SLF2: variants seen among roughly 807,000 people sequenced by gnomAD.
SLF2 encodes the protein SMC5/6 complex localization factor 2.
A neutral mutation model predicts 124.3 loss-of-function variants in SLF2; 68 were observed. That is an observed-to-expected ratio of 0.55 (90% CI 0.45 to 0.67). The LOEUF is 0.67. Ranked by LOEUF, SLF2 falls within the 30% of genes least tolerant of loss-of-function variation. The pLI is 0.00. For missense variants in SLF2, 1,246 were observed against 1,373.7 expected (o/e 0.91, Z 1.47); for synonymous variants, 480 against 478.8 (o/e 1.00, Z -0.03).
rs527656683 is a variant in SLF2, at chr10:100,960,756, T to G, written c.3487-1121T>G. On this transcript the variant is annotated intron_variant, in intron 19 of 19. Transcript: ENST00000238961. The stretch of plus-strand genomic sequence containing the variant: ...TTGCCTTTCCTTTATTTTTATTTAT[T>G]ATGTATATATTTTTGACACTTTTTT... Among the ~76,000 whole-genome samples, 10 of 152,184 alleles carry G rather than the reference T, an allele frequency of 6.6e-5. No individual in the cohort carries two copies. In the East Asian group the frequency reaches 1.9e-3, roughly 29 times the overall value.
intron 19 of SLF2, 145 bp downstream of exon 19, chr10:100,959,641 G>GT (rs1331208875): frequency 1.5e-6 from 2 of 1,304,776 alleles, no homozygotes; most frequent in African/African-American, 3.0e-5. Flanking sequence ...ATAATACATG[G>GT]TTTGTAATTT....
intron 1 of SLF2, chr10:100,913,957 T>C (rs926467376): frequency 1.2e-6 from 1 of 826,544 alleles, no homozygotes; most frequent in African/African-American, 1.8e-5. Context: ...TTACTAATAC[T>C]GTGGTACAGG....
Position 100,962,966 on chromosome 10 carries a change from G to C in SLF2, c.*1054G>C, listed in dbSNP as rs1448444543. On this transcript the variant is annotated 3_prime_UTR_variant, in exon 20 of 20. Coordinates refer to ENST00000238961, the MANE Select transcript of SLF2 (RefSeq NM_018121.4). ...CTTTGGTTTAAATGGTAGAGGGTTAGTGGAAGTGCACACGTTGTTTTTAGC... is the reference window on the plus strand; with the variant it reads ...CTTTGGTTTAAATGGTAGAGGGTTACTGGAAGTGCACACGTTGTTTTTAGC... The C allele has an allele frequency of 6.6e-6, 1 of 152,632 alleles. No homozygotes were observed. Among genetic ancestry groups the C allele is most frequent in the African/African-American group, 2.4e-5 (1 of 41,450 alleles). 9.5% of individuals were successfully genotyped at this position (152,632 alleles called of 1,614,324 possible).
chr10:100,918,516 GT>G (rs1589942106), intron 4 of SLF2, 75 bp downstream of exon 4: 2 of 947,992 alleles, frequency 2.1e-6, no homozygotes, highest in Non-Finnish European at 3.2e-6. Flanking sequence ...AAATAAATTT[GT>G]TTAAATATGC....
At chr10:100,948,890 A>C (rs1850158980) in intron 15 of SLF2, among the ~76,000 whole-genome samples, 1 of 152,172 alleles carries the variant, frequency 6.6e-6, no homozygotes, top group African/African-American at 2.4e-5. Context: ...TGTCTCAAAA[A>C]AAAGCCCCAT....
chr10:100,963,761 G>T lies in SLF2; in HGVS notation c.*1849G>T, dbSNP rs2133841876. On this transcript the variant is annotated 3_prime_UTR_variant, in exon 20 of 20. Coordinates refer to ENST00000238961, the MANE Select transcript of SLF2 (RefSeq NM_018121.4). ...ATATTTTCTAATTGTGTACATTGAT[G>T]GGGGGGACAAGTGGGTTATTCAGGT... The T allele has an allele frequency of 6.6e-6, 1 of 152,110 alleles. No individual in the cohort carries two copies. Among genetic ancestry groups the T allele is most frequent in the South Asian group, 2.1e-4 (1 of 4,808 alleles). 9.4% of individuals were successfully genotyped at this position (152,110 alleles called of 1,614,324 possible).
intron 17 of SLF2, among the ~76,000 whole-genome samples, chr10:100,954,231 C>G (rs976559717): frequency 6.6e-6 from 1 of 152,090 alleles, no homozygotes; most frequent in East Asian, 1.9e-4. Flanking sequence ...GCCCTCCAGC[C>G]TGGGTGACAG....
At chr10:100,952,850 A>G (rs1016260653) in intron 17 of SLF2, among the ~76,000 whole-genome samples, 1 of 151,208 alleles carries the variant, frequency 6.6e-6, no homozygotes, top group African/African-American at 2.4e-5. Context: ...GAGGCAGGAG[A>G]ATTGCTTGAA....
rs1849434455 is a variant in SLF2 at position 100,917,229 on chromosome 10, A to G, written c.844A>G (p.Lys282Glu). ...TTCCTTAAAATCTAGTATAGAAAGA[A>G]AATATAAACCAAGGCAGGAACAAAG... is the stretch of plus-strand genomic sequence containing the variant. Reference protein sequence around the residue: ...SLSLKSSIERKYKPRQEQRKQ... With the variant: ...SLSLKSSIEREYKPRQEQRKQ... The change falls in exon 3 of 20, where the codon AAA (lysine) becomes GAA (glutamate). Residue 282 changes from lysine to glutamate, a missense_variant. Transcript: ENST00000238961. 1 of 1,614,198 alleles carries G rather than the reference A, an allele frequency of 6.2e-7. No individual in the cohort carries two copies. Among genetic ancestry groups the G allele is most frequent in the Non-Finnish European group, 8.5e-7 (1 of 1,180,022 alleles).
rs34345512 is a variant in SLF2, at chr10:100,962,841, ATG to A, written c.*956_*957del. 4,277 of 143,534 alleles carry A rather than the reference ATG, an allele frequency of 0.03. 63 individuals carry two copies. The highest frequency in any genetic ancestry group is 0.034 in the Non-Finnish European group (2,214 of 64,918). The allele number at this position is 143,534 out of a possible 1,614,324, so 8.9% of individuals were successfully genotyped here. ...ATTCTTTGGGACACTGTGTCTGTGT[ATG>A]TGTGTGTGTGTGTGTGTGTGTGTGT... On this transcript the variant is annotated 3_prime_UTR_variant, in exon 20 of 20. Coordinates refer to ENST00000238961, the MANE Select transcript of SLF2 (RefSeq NM_018121.4).
In SLF2 at chr10:100,912,976, G is replaced by C. The variant is rs1280996034; in HGVS notation, c.-135G>C. 3 of 918,596 alleles carry C rather than the reference G, an allele frequency of 3.3e-6. No homozygotes were observed. Among genetic ancestry groups the C allele is most frequent in the Non-Finnish European group, 4.8e-6 (3 of 622,442 alleles). 56.9% of individuals were successfully genotyped at this position (918,596 alleles called of 1,614,324 possible). A position where few individuals can be genotyped will look rare whatever the true frequency, so the allele number is the denominator to read the frequency against. ...CACGCCGGAGTCACTTCCGAAGAGA[G>C]AACCGCCATGAAGAGAGAAGGGGGT... On this transcript the variant is annotated 5_prime_UTR_variant, in exon 1 of 20. Coordinates refer to ENST00000238961, the MANE Select transcript of SLF2 (RefSeq NM_018121.4).
chr10:100,923,847 A>G (rs1309124671), intron 4 of SLF2, 128 bp from the exon 5 acceptor site: 6 of 646,390 alleles, frequency 9.3e-6, no homozygotes, highest in Non-Finnish European at 1.2e-5. Context: ...CATTCCATAT[A>G]TGGTGACTAA....
chr10:100,919,720 T>TA (rs1325887994), intron 4 of SLF2, among the ~76,000 whole-genome samples: 1 of 152,234 alleles, frequency 6.6e-6, no homozygotes, highest in African/African-American at 2.4e-5. Flanking sequence ...CCACATTCAG[T>TA]AAGATACATT....
intron 9 of SLF2, among the ~76,000 whole-genome samples, chr10:100,934,753 C>T (rs1436604503): frequency 6.6e-6 from 1 of 151,606 alleles, no homozygotes; most frequent in South Asian, 2.1e-4. Flanking sequence ...GCTGGGATTA[C>T]AGGCACCCAC....
intron 11 of SLF2, 118 bp downstream of exon 11, chr10:100,938,854 C>T (rs1849915014): frequency 2.1e-6 from 2 of 968,944 alleles, no homozygotes; most frequent in East Asian, 6.1e-5. Context: ...AAGTTGAGAT[C>T]AATCTTGAAT....
intron 17 of SLF2, among the ~76,000 whole-genome samples, chr10:100,955,232 G>C (rs957280504): frequency 6.6e-6 from 1 of 150,772 alleles, no homozygotes; most frequent in Admixed American, 6.6e-5. Context: ...GAGCTACCTC[G>C]CCCGGCTGAC....
rs942419138 is a variant in SLF2, at chr10:100,913,013, C to G, written c.-98C>G. 9 of 1,391,852 alleles carry G rather than the reference C, an allele frequency of 6.5e-6. No homozygotes were observed. The highest frequency in any genetic ancestry group is 3.7e-4 in the Middle Eastern group (2 of 5,464). 86.2% of individuals were successfully genotyped at this position (1,391,852 alleles called of 1,614,324 possible). On this transcript the variant is annotated 5_prime_UTR_variant, in exon 1 of 20. Transcript: ENST00000238961. ...AGAGAGAAGGGGGTGCCGCCCACCTCTGCTCCGACAGCCTCCCGGAGTCCC... is the reference window on the plus strand; with the variant it reads ...AGAGAGAAGGGGGTGCCGCCCACCTGTGCTCCGACAGCCTCCCGGAGTCCC...
intron 9 of SLF2, among the ~76,000 whole-genome samples, chr10:100,934,810 T>TG (rs1315633199): frequency 6.7e-6 from 1 of 150,106 alleles, no homozygotes; most frequent in Non-Finnish European, 1.5e-5. Context: ...TTATTAGAGA[T>TG]GGGGTTTCAC....
At chr10:100,954,143 A>T (rs1010903528) in intron 17 of SLF2, among the ~76,000 whole-genome samples, 7 of 151,886 alleles carry the variant, frequency 4.6e-5, no homozygotes, top group African/African-American at 1.7e-4. Context: ...TGTAGTCCCA[A>T]CTACTTGGGA....
Sources: allele counts gnomAD v4.1 joint callset (sites outside exome capture counted in the v4.1 genomes callset), GRCh38; gene constraint gnomAD v4.1.1; transcripts MANE v1.5; gene names NCBI Gene and HGNC (gene_info 2026-07-23, HGNC 2026-07-21).